GPC5: variants seen among roughly 807,000 people sequenced by gnomAD.
The protein encoded by GPC5 is glypican 5.
Under a neutral mutation model 53.9 loss-of-function variants are expected in GPC5, and 47 were observed. That is an observed-to-expected ratio of 0.87 (90% confidence interval 0.69 to 1.11). GPC5 has a LOEUF of 1.11. Among genes scored for constraint, GPC5 ranks in the 50% most tolerant of loss-of-function variants. The pLI, the probability that GPC5 is intolerant of heterozygous loss-of-function variation, is 0.00. For synonymous variants in GPC5, 286 were observed against 263.3 expected (o/e 1.09, Z -0.84); for missense variants, 748 against 713.1 (o/e 1.05, Z -0.56).
In GPC5 at chr13:91,427,289, A is replaced by G. The variant is rs7320518; in HGVS notation, c.164-21472A>G. ...GGAGAAGTCACAGACACTCAATGCC[A>G]GCCTGTGAAAGCAGCCAGGAGGGGT... On this transcript the variant is annotated intron_variant, in intron 1 of 7. Transcript: ENST00000377067. Among the ~76,000 whole-genome samples, 661 of 152,314 alleles carry G rather than the reference A, an allele frequency of 4.3e-3. 4 individuals are homozygous for G. Among genetic ancestry groups the G allele is most frequent in the African/African-American group, 0.015 (641 of 41,566 alleles).
intron 7 of GPC5, among the ~76,000 whole-genome samples, chr13:92,375,175 T>C (rs545716990): frequency 1.1e-4 from 17 of 152,206 alleles, no homozygotes; most frequent in Non-Finnish European, 2.1e-4. Flanking sequence ...AGTGAGAGTA[T>C]CTTTGGCTAA....
intron 7 of GPC5, among the ~76,000 whole-genome samples, chr13:92,145,648 C>T (rs1291098879): frequency 6.6e-6 from 1 of 152,140 alleles, no homozygotes; most frequent in African/African-American, 2.4e-5. Flanking sequence ...AGGTTCTCCA[C>T]ACTCCATTGT....
chr13:92,201,286 G>T (rs371129885), intron 7 of GPC5, among the ~76,000 whole-genome samples: 3 of 152,154 alleles, frequency 2.0e-5, no homozygotes, highest in Admixed American at 6.6e-5. Flanking sequence ...TATTTCATCA[G>T]TTCTAAGTTA....
intron 7 of GPC5, among the ~76,000 whole-genome samples, chr13:92,864,966 T>C (rs927332494): frequency 3.3e-5 from 5 of 152,176 alleles, no homozygotes; most frequent in African/African-American, 1.2e-4. Flanking sequence ...GTGGCTGTAG[T>C]AACAATGAAT....
At position 91,904,140 on chromosome 13, in the gene GPC5, C is replaced by CTTTTTT. The variant is rs57293387; in HGVS notation, c.1281-3781_1281-3776dup. On this transcript the variant is annotated intron_variant, in intron 5 of 7. Transcript: ENST00000377067. ...TGCTTAGTTTTACTTTCTTTTCTTT[C>CTTTTTT]TTTTTTTTTTTTTTTTTTTTTAAGG... Among the ~76,000 whole-genome samples the CTTTTTT allele has an allele frequency of 1.4e-3, 134 of 94,588 alleles. 1 individual carries two copies. Among genetic ancestry groups the CTTTTTT allele is most frequent in the African/African-American group, 5.4e-3 (123 of 22,572 alleles). 62.1% of individuals were successfully genotyped at this position (94,588 alleles called of 152,430 possible).
At chr13:92,342,132 A>G (rs541857528) in intron 7 of GPC5, among the ~76,000 whole-genome samples, 7 of 152,100 alleles carry the variant, frequency 4.6e-5, no homozygotes, top group African/African-American at 1.7e-4. Flanking sequence ...CATCACTTCA[A>G]ATTGTTTGAT....
At chr13:92,394,972 A>T (rs927700275) in intron 7 of GPC5, among the ~76,000 whole-genome samples, 1 of 152,176 alleles carries the variant, frequency 6.6e-6, no homozygotes, top group African/African-American at 2.4e-5. Flanking sequence ...ATTGGGTTAA[A>T]TTTTTAACCT....
At chr13:91,690,602 T>A (rs2035737515) in intron 2 of GPC5, among the ~76,000 whole-genome samples, 1 of 152,198 alleles carries the variant, frequency 6.6e-6, no homozygotes. Context: ...ACATACCTGT[T>A]AGGGCTACTT....
intron 5 of GPC5, among the ~76,000 whole-genome samples, chr13:91,794,204 A>G (rs1392756030): frequency 1.3e-5 from 2 of 152,174 alleles, no homozygotes; most frequent in Non-Finnish European, 2.9e-5. Context: ...GACTTATTTA[A>G]TTCCAACACC....
chr13:92,238,259 G>T (rs556324321), intron 7 of GPC5, among the ~76,000 whole-genome samples: 1 of 151,984 alleles, frequency 6.6e-6, no homozygotes, highest in South Asian at 2.1e-4. Flanking sequence ...TTAAAGCAGT[G>T]TACTCTGTAC....
At chr13:91,775,498 A>G (rs2037696788) in intron 5 of GPC5, among the ~76,000 whole-genome samples, 1 of 152,086 alleles carries the variant, frequency 6.6e-6, no homozygotes, top group African/African-American at 2.4e-5. Flanking sequence ...AAATCCCTTC[A>G]CTGTGCATTT....
intron 5 of GPC5, among the ~76,000 whole-genome samples, chr13:91,876,088 C>T (rs1318789580): frequency 6.6e-6 from 1 of 152,146 alleles, no homozygotes; most frequent in East Asian, 1.9e-4. Context: ...TTTTCTCTTT[C>T]CCCTGTCATG....
At chr13:92,181,863 C>G (rs1460536926) in intron 7 of GPC5, among the ~76,000 whole-genome samples, 1 of 152,048 alleles carries the variant, frequency 6.6e-6, no homozygotes, top group Non-Finnish European at 1.5e-5. Flanking sequence ...AGATGCTGTC[C>G]TACATTATGC....
intron 7 of GPC5, among the ~76,000 whole-genome samples, chr13:92,190,780 A>G (rs996970413): frequency 6.6e-6 from 1 of 152,138 alleles, no homozygotes; most frequent in African/African-American, 2.4e-5. Flanking sequence ...TTAAAACCAC[A>G]AAAGGCAGAA....
intron 1 of GPC5, among the ~76,000 whole-genome samples, chr13:91,410,456 C>T (rs1312884791): frequency 2.7e-5 from 4 of 150,806 alleles, no homozygotes; most frequent in East Asian, 2.0e-4. Context: ...TGCCATTCTC[C>T]TGCCTCAGCC....
intron 6 of GPC5, among the ~76,000 whole-genome samples, chr13:91,964,087 G>C (rs773504606): frequency 2.0e-5 from 3 of 152,206 alleles, no homozygotes; most frequent in East Asian, 1.9e-4. Flanking sequence ...GGTGTGTCCA[G>C]AGTTTTTTCC....
At chr13:92,781,338 T>G (rs1594502917) in intron 7 of GPC5, among the ~76,000 whole-genome samples, 1 of 152,074 alleles carries the variant, frequency 6.6e-6, no homozygotes, top group East Asian at 1.9e-4. Context: ...ATATTTCCTT[T>G]CACTTTTTTT....
At chr13:92,499,702 A>G (rs1397180327) in intron 7 of GPC5, among the ~76,000 whole-genome samples, 1 of 152,218 alleles carries the variant, frequency 6.6e-6, no homozygotes, top group Admixed American at 6.5e-5. Context: ...TAAAATTTTC[A>G]TACATAGTGC....
intron 7 of GPC5, among the ~76,000 whole-genome samples, chr13:92,698,169 T>C (rs1028751119): frequency 3.3e-5 from 5 of 151,266 alleles, no homozygotes; most frequent in Non-Finnish European, 5.9e-5. Context: ...TCTTTTTTTC[T>C]TTTTTTTTAA....
Sources: allele counts gnomAD v4.1 joint callset (sites outside exome capture counted in the v4.1 genomes callset), GRCh38; gene constraint gnomAD v4.1.1; transcripts MANE v1.5; gene names NCBI Gene and HGNC (gene_info 2026-07-23, HGNC 2026-07-21).